PRSS23: variants seen among roughly 807,000 people sequenced by gnomAD.
PRSS23 encodes the protein protease, serine 23.
A neutral mutation model predicts 34.7 loss-of-function variants in PRSS23; 25 were observed. The ratio of observed to expected loss-of-function variants is 0.72; its 90% CI spans 0.53 to 1.01. The LOEUF is 1.01. Ranked by LOEUF, PRSS23 falls within the 50% of genes least tolerant of loss-of-function variation. The pLI is 0.00. For synonymous variants in PRSS23, 176 were observed against 186.6 expected (o/e 0.94, Z 0.46); for missense variants, 445 against 475.6 (o/e 0.94, Z 0.60).
At chr11:86,821,742 T>C in intron 1 of PRSS23, 3 of 1,335,704 alleles carry the variant, frequency 2.2e-6, no homozygotes, top group South Asian at 2.7e-5. Context: ...CTTCAAAGTG[T>C]TCGTCAGGCC....
chr11:86,864,253 T>A (rs759979301), intron 2 of PRSS23, among the ~76,000 whole-genome samples: 3 of 152,138 alleles, frequency 2.0e-5, no homozygotes, highest in African/African-American at 4.8e-5. Flanking sequence ...CTAGTGTTCC[T>A]GGCCTGACAC....
intron 2 of PRSS23, among the ~76,000 whole-genome samples, chr11:86,877,554 C>A (rs1001375709): frequency 6.6e-6 from 1 of 152,090 alleles, no homozygotes; most frequent in Non-Finnish European, 1.5e-5. Context: ...TTATTGTTTG[C>A]ATATGGCTAT....
chr11:86,835,805 A>G (rs1948400569), intron 2 of PRSS23, among the ~76,000 whole-genome samples: 1 of 152,138 alleles, frequency 6.6e-6, no homozygotes, highest in Non-Finnish European at 1.5e-5. Flanking sequence ...GTAGTGAGGA[A>G]ATTTAAGAGT....
chr11:86,879,612 C>T (rs1440926211), intron 2 of PRSS23, among the ~76,000 whole-genome samples: 4 of 138,654 alleles, frequency 2.9e-5, no homozygotes, highest in Non-Finnish European at 4.9e-5. Context: ...TCTGCCCGGC[C>T]GCCCCTACTG....
At chr11:86,829,910 C>T (rs1948337344) in intron 2 of PRSS23, among the ~76,000 whole-genome samples, 1 of 152,188 alleles carries the variant, frequency 6.6e-6, no homozygotes, top group South Asian at 2.1e-4. Context: ...TGGGGGGTGC[C>T]TCCCAGTTAG....
intron 2 of PRSS23, among the ~76,000 whole-genome samples, chr11:86,932,418 C>T (rs564765948): frequency 6.6e-6 from 1 of 152,136 alleles, no homozygotes; most frequent in Non-Finnish European, 1.5e-5. Flanking sequence ...ATCAGTGACA[C>T]GGCCACCCAG....
At chr11:86,817,210 A>G (rs1948220761) in intron 1 of PRSS23, among the ~76,000 whole-genome samples, 1 of 151,924 alleles carries the variant, frequency 6.6e-6, no homozygotes, top group Admixed American at 6.6e-5. Flanking sequence ...CATGTATAGT[A>G]TATTTTGGAT....
At position 86,899,798 on chromosome 11, in the gene PRSS23, G is replaced by C. The variant is rs544448343; in HGVS notation, c.207-51418G>C. On this transcript the variant is annotated intron_variant, in intron 2 of 2. Coordinates refer to the PRSS23 transcript ENST00000533902. Reference sequence around the variant, plus strand: ...CCCAAAGTGCTGGGATTACAGGCATGAGCCACCAAGTCCGGCCGCGAGACC... The same window carrying C: ...CCCAAAGTGCTGGGATTACAGGCATCAGCCACCAAGTCCGGCCGCGAGACC... 2.6e-5 allele frequency among the ~76,000 whole-genome samples: 4 copies of C among 151,046 alleles called. No homozygotes were observed. The South Asian group carries it at 6.3e-4, about 24-fold the overall frequency.
At chr11:86,847,006 G>C (rs1948491363) in intron 2 of PRSS23, among the ~76,000 whole-genome samples, 2 of 152,182 alleles carry the variant, frequency 1.3e-5, no homozygotes, top group Non-Finnish European at 2.9e-5. Flanking sequence ...TGGTGCATGG[G>C]TACAGCTCTT....
In PRSS23 at chr11:86,888,527, C is replaced by T. The variant is rs145844822; in HGVS notation, c.207-62689C>T. Among the ~76,000 whole-genome samples, 960 of 152,252 alleles carry T rather than the reference C, an allele frequency of 6.3e-3. 7 individuals are homozygous for T. The highest frequency in any genetic ancestry group is 0.01 in the Non-Finnish European group (699 of 68,014). On this transcript the variant is annotated intron_variant, in intron 2 of 2. Coordinates refer to the PRSS23 transcript ENST00000533902. ...TTGAATTCACATGTCATACAATCCC[C>T]GCCAGAAAAACATGTGTATGGGGAA...
chr11:86,834,714 A>G (rs1948391054), intron 2 of PRSS23, among the ~76,000 whole-genome samples: 1 of 151,932 alleles, frequency 6.6e-6, no homozygotes, highest in African/African-American at 2.4e-5. Context: ...TTCCCTCGGA[A>G]GTTAGGAATT....
intron 1 of PRSS23, among the ~76,000 whole-genome samples, chr11:86,806,577 C>T (rs189280956): frequency 5.9e-5 from 9 of 152,246 alleles, no homozygotes; most frequent in Non-Finnish European, 7.4e-5. Flanking sequence ...GAGGTTGGAG[C>T]GAGGCTGTGG....
chr11:86,830,069 G>T (rs1948338861), intron 2 of PRSS23, among the ~76,000 whole-genome samples: 1 of 152,158 alleles, frequency 6.6e-6, no homozygotes, highest in Non-Finnish European at 1.5e-5. Context: ...CTGTCTTTTT[G>T]TTTGTCTGTG....
intron 2 of PRSS23, among the ~76,000 whole-genome samples, chr11:86,944,665 T>G (rs1430507992): frequency 2.0e-5 from 3 of 152,216 alleles, no homozygotes; most frequent in South Asian, 2.1e-4. Flanking sequence ...CAGAAAATGT[T>G]TCTTTAAGTG....
chr11:86,878,720 G>A (rs373300550), intron 2 of PRSS23, among the ~76,000 whole-genome samples: 2 of 151,758 alleles, frequency 1.3e-5, no homozygotes, highest in Admixed American at 1.3e-4. Flanking sequence ...CTGCCTGGCC[G>A]CCCATCGTCT....
At chr11:86,930,717 G>T (rs1044699373) in intron 2 of PRSS23, among the ~76,000 whole-genome samples, 23 of 151,892 alleles carry the variant, frequency 1.5e-4, no homozygotes, top group African/African-American at 5.3e-4. Flanking sequence ...GTGAACCTGG[G>T]AGGCGGAGCT....
At chr11:86,912,035 T>A (rs980040905) in intron 2 of PRSS23, 2 of 152,150 alleles carry the variant, frequency 1.3e-5, no homozygotes, top group Admixed American at 1.3e-4. Flanking sequence ...CCTCGGCCTC[T>A]CAAAGTGTTG....
At chr11:86,900,101 A>G (rs746074922) in intron 2 of PRSS23, among the ~76,000 whole-genome samples, 4 of 152,234 alleles carry the variant, frequency 2.6e-5, no homozygotes, top group Non-Finnish European at 5.9e-5. Context: ...ATGGACCTGA[A>G]GGACATGTTT....
intron 1 of PRSS23, 115 bp downstream of exon 1, chr11:86,800,766 G>A (rs1227040888): frequency 5.5e-6 from 3 of 543,186 alleles, no homozygotes; most frequent in Non-Finnish European, 7.0e-6. Flanking sequence ...GGCTGCCGGA[G>A]GCACCGCAGG....
Sources: allele counts gnomAD v4.1 joint callset (sites outside exome capture counted in the v4.1 genomes callset), GRCh38; gene constraint gnomAD v4.1.1; transcripts MANE v1.5; gene names NCBI Gene and HGNC (gene_info 2026-07-23, HGNC 2026-07-21).